AP2M1: variants seen among roughly 807,000 people sequenced by gnomAD.
AP2M1 encodes AP-2 complex subunit mu.
A neutral mutation model predicts 54.5 loss-of-function variants in AP2M1; 5 were observed. The observed-to-expected ratio is 0.09, with a 90% CI of 0.05 to 0.19. The LOEUF (loss-of-function observed/expected upper bound fraction) is 0.19, where lower values mean the gene tolerates loss of function less well. Ranked by LOEUF, AP2M1 falls within the 10% of genes least tolerant of loss-of-function variation. The pLI, the probability that AP2M1 is intolerant of heterozygous loss-of-function variation, is 1.00. For missense variants in AP2M1, 178 were observed against 580.2 expected (o/e 0.31, Z 7.12); for synonymous variants, 186 against 208.2 (o/e 0.89, Z 0.92).
intron 3 of AP2M1, chr3:184,179,920 C>G: frequency 3.8e-6 from 2 of 526,830 alleles, no homozygotes; most frequent in Non-Finnish European, 6.8e-6. Context: ...CTTGGCCTCC[C>G]GAAGTGTTGG....
intron 3 of AP2M1, 186 bp from the exon 4 acceptor site, chr3:184,179,983 A>C (rs754021200): frequency 1.6e-6 from 1 of 636,182 alleles, no homozygotes; most frequent in African/African-American, 1.8e-5. Flanking sequence ...TTTGAAAAAA[A>C]TCAAACATTT....
At position 184,181,491 on chromosome 3, in the gene AP2M1, C is replaced by T; in HGVS notation, c.708-205C>T. On this transcript the variant is annotated intron_variant, in intron 7 of 11. Transcript: ENST00000292807. The surrounding 1 kb of genome is among the most constrained non-coding windows in gnomAD (Gnocchi z 5.7). ...CCTCTGCCCAGTGTGCCTGAAACAC[C>T]CAGGTCCCTAGCAGAAGGAGCCCCA... is the stretch of plus-strand genomic sequence containing the variant. 1 of 844,126 alleles carries T rather than the reference C, an allele frequency of 1.2e-6. No homozygotes were observed. The highest frequency in any genetic ancestry group is 1.7e-5 in the African/African-American group (1 of 58,494). The allele number at this position is 844,126 out of a possible 1,614,324, so 52.3% of individuals were successfully genotyped here.
chr3:184,177,673 C>T, intron 2 of AP2M1: 1 of 1,444,944 alleles, frequency 6.9e-7, no homozygotes, highest in Admixed American at 2.0e-5. Context: ...CTCAGTAGAC[C>T]CAGAGCAGCT....
rs1577059388 is a variant in AP2M1 at position 184,180,490 on chromosome 3, G to C, written c.424-155G>C. 8.0e-7 allele frequency: 1 copy of C among 1,243,334 alleles called. No homozygotes were observed. The highest frequency in any genetic ancestry group is 2.3e-5 in the East Asian group (1 of 42,940). 77.0% of individuals were successfully genotyped at this position (1,243,334 alleles called of 1,614,324 possible). A position where few individuals can be genotyped will look rare whatever the true frequency, so the allele number is the denominator to read the frequency against. On this transcript the variant is annotated intron_variant, in intron 4 of 11. Transcript: ENST00000292807. This position sits in a 1 kb window ranked among gnomAD's most constrained non-coding sequence, Gnocchi z 4.9. ...TCAAGCAGTTTCCTTTTGCACTGAG[G>C]GGTGGGGGAGGAGGCCTGGTCTTGA...
intron 3 of AP2M1, 138 bp downstream of exon 3, chr3:184,179,260 G>T (rs1476792273): frequency 9.0e-7 from 1 of 1,106,102 alleles, no homozygotes; most frequent in Non-Finnish European, 1.3e-6. Context: ...TCTTGGGCTA[G>T]GATCTCTATG....
Position 184,180,485 on chromosome 3 carries a change from C to T in AP2M1, c.424-160C>T. 1 of 1,228,798 alleles carries T rather than the reference C, an allele frequency of 8.1e-7. No homozygotes were observed. The highest frequency in any genetic ancestry group is 1.2e-6 in the Non-Finnish European group (1 of 865,080). The allele number at this position is 1,228,798 out of a possible 1,614,324, so 76.1% of individuals were successfully genotyped here. A position where few individuals can be genotyped will look rare whatever the true frequency, so the allele number is the denominator to read the frequency against. On this transcript the variant is annotated intron_variant, in intron 4 of 11. Coordinates refer to ENST00000292807, the MANE Select transcript of AP2M1 (RefSeq NM_004068.4). The surrounding 1 kb of genome is among the most constrained non-coding windows in gnomAD (Gnocchi z 4.9). ...ACAGCTCAAGCAGTTTCCTTTTGCA[C>T]TGAGGGGTGGGGGAGGAGGCCTGGT... is the stretch of plus-strand genomic sequence containing the variant.
rs1715238209 is a variant in AP2M1, at chr3:184,180,522, G to T, written c.424-123G>T. 2 of 1,481,480 alleles carry T rather than the reference G, an allele frequency of 1.3e-6. No individual in the cohort carries two copies. Among genetic ancestry groups the T allele is most frequent in the Non-Finnish European group, 1.9e-6 (2 of 1,077,176 alleles). 91.8% of individuals were successfully genotyped at this position (1,481,480 alleles called of 1,614,324 possible). A position where few individuals can be genotyped will look rare whatever the true frequency, so the allele number is the denominator to read the frequency against. ...GGAGGAGGCCTGGTCTTGAGGCCTG[G>T]TATTCCTCAGGAGGAGCGAGCTTGG... On this transcript the variant is annotated intron_variant, in intron 4 of 11. Transcript: ENST00000292807. The surrounding 1 kb of genome is among the most constrained non-coding windows in gnomAD (Gnocchi z 4.9).
chr3:184,175,501 G>A (rs762738914), intron 1 of AP2M1, among the ~76,000 whole-genome samples: 1 of 152,084 alleles, frequency 6.6e-6, no homozygotes, highest in African/African-American at 2.4e-5. Context: ...TCATTACTCT[G>A]CACCTGAACC....
chr3:184,183,758 C>A lies in AP2M1; in HGVS notation c.*142C>A. On this transcript the variant is annotated 3_prime_UTR_variant, in exon 12 of 12. Transcript: ENST00000292807. This position sits in a 1 kb window ranked among gnomAD's most constrained non-coding sequence, Gnocchi z 5.7. ...GCACCAGCCCGAGTCTAGGTCTGGG[C>A]CAAGCACATTACAAGTGGGACCGGT... 9.8e-7 allele frequency: 1 copy of A among 1,023,120 alleles called. No individual in the cohort carries two copies. The highest frequency in any genetic ancestry group is 1.4e-6 in the Non-Finnish European group (1 of 711,666). 63.4% of individuals were successfully genotyped at this position (1,023,120 alleles called of 1,614,324 possible).
rs1416634310 is a variant in AP2M1 at position 184,181,792 on chromosome 3, A to G, written c.804A>G (p.Pro268=). 3.1e-6 allele frequency: 5 copies of G among 1,614,094 alleles called. No homozygotes were observed. The highest frequency in any genetic ancestry group is 4.2e-6 in the Non-Finnish European group (5 of 1,180,038). ...DSERSISFIP[P]DGEFELMRYR... The stretch of plus-strand genomic sequence containing the variant: ...AACGCAGCATCAGCTTTATCCCGCC[A>G]GATGGAGAGTTTGAGCTTATGAGGT... Residue 268 remains proline (P), a synonymous_variant, in exon 8 of 12, where the codon CCA becomes CCG. Transcript: ENST00000292807. The surrounding 1 kb of genome is among the most constrained non-coding windows in gnomAD (Gnocchi z 5.7).
At chr3:184,177,762 C>G in intron 2 of AP2M1, 1 of 713,976 alleles carries the variant, frequency 1.4e-6, no homozygotes, top group Non-Finnish European at 2.3e-6. Context: ...TTCTTTGCGA[C>G]TGAAGGGACC....
In AP2M1 at chr3:184,174,976, G is replaced by C. The variant is rs184753713; in HGVS notation, c.-44+17G>C. 2.5e-6 allele frequency: 1 copy of C among 398,730 alleles called. No homozygotes were observed. Among genetic ancestry groups the C allele is most frequent in the East Asian group, 3.6e-5 (1 of 28,074 alleles). The allele number at this position is 398,730 out of a possible 1,614,324, so 24.7% of individuals were successfully genotyped here. A position where few individuals can be genotyped will look rare whatever the true frequency, so the allele number is the denominator to read the frequency against. On this transcript the variant is annotated intron_variant, in intron 1 of 11. Transcript: ENST00000292807. The stretch of plus-strand genomic sequence containing the variant: ...GGACACCAGGTGAGCCGGGGATCTG[G>C]CCTTATGGCGTGGAGGAGGACGCTG...
At position 184,181,363 on chromosome 3, in the gene AP2M1, C is replaced by G; in HGVS notation, c.707+137C>G. The G allele has an allele frequency of 7.6e-7, 1 of 1,320,268 alleles. No homozygotes were observed. Among genetic ancestry groups the G allele is most frequent in the Non-Finnish European group, 1.1e-6 (1 of 950,066 alleles). The allele number at this position is 1,320,268 out of a possible 1,614,324, so 81.8% of individuals were successfully genotyped here. A position where few individuals can be genotyped will look rare whatever the true frequency, so the allele number is the denominator to read the frequency against. On this transcript the variant is annotated intron_variant, in intron 7 of 11. Coordinates refer to ENST00000292807, the MANE Select transcript of AP2M1 (RefSeq NM_004068.4). This position sits in a 1 kb window ranked among gnomAD's most constrained non-coding sequence, Gnocchi z 5.7. ...GTTCCTGACGGTAAGCCTGGCTGTT[C>G]GCTCTTGACATTAGTGCTACGAGAG... is the stretch of plus-strand genomic sequence containing the variant.
Position 184,182,163 on chromosome 3 carries a change from A to G in AP2M1, c.976A>G (p.Thr326Ala). ...LAQKIEVRIP[T>A]PLNTSGVQVI... ...GTGTCACTTCTAGGTGAGGATCCCAACCCCACTGAACACAAGCGGGGTGCA... is the reference window on the plus strand; with the variant it reads ...GTGTCACTTCTAGGTGAGGATCCCAGCCCCACTGAACACAAGCGGGGTGCA... Residue 326 changes from threonine to alanine, a missense_variant, in exon 10 of 12, where the codon ACC (threonine) becomes GCC (alanine). Physicochemically the swap from Thr to Ala is moderately conservative, Grantham distance 58. Transcript: ENST00000292807. This position sits in a 1 kb window ranked among gnomAD's most constrained non-coding sequence, Gnocchi z 5.5. 2 of 1,614,106 alleles carry G rather than the reference A, an allele frequency of 1.2e-6. No homozygotes were observed. The highest frequency in any genetic ancestry group is 1.7e-6 in the Non-Finnish European group (2 of 1,179,994).
Position 184,180,738 on chromosome 3 carries a change from A to C in AP2M1, c.429+88A>C. 1 of 1,614,086 alleles carries C rather than the reference A, an allele frequency of 6.2e-7. No homozygotes were observed. The highest frequency in any genetic ancestry group is 8.5e-7 in the Non-Finnish European group (1 of 1,179,944). ...TGGGGCTTATAGGGGAAAATGGATT[A>C]CAGGTGGGGACTAGAAGGGATGGGG... On this transcript the variant is annotated intron_variant, in intron 5 of 11. Transcript: ENST00000292807. This position sits in a 1 kb window ranked among gnomAD's most constrained non-coding sequence, Gnocchi z 4.9.
chr3:184,177,115 A>G (rs1276152592), intron 2 of AP2M1, 48 bp downstream of exon 2: 16 of 1,572,494 alleles, frequency 1.0e-5, no homozygotes, highest in African/African-American at 1.3e-5. Context: ...CCAGCCCCCC[A>G]GCCCCAGCAT....
chr3:184,179,100 G>A lies in AP2M1; in HGVS notation c.318G>A (p.Val106=). The part of the protein sequence containing the change: ...ISEENIKNNF[V]LIYELLDEIL... ...AGGAAAACATCAAGAACAATTTTGT[G>A]CTCATATATGAGCTGCTGGATGGTG... The change falls in exon 3 of 12, where the codon GTG becomes GTA. Residue 106 remains valine (V), a synonymous_variant. Transcript: ENST00000292807. The A allele has an allele frequency of 6.2e-7, 1 of 1,613,888 alleles. No homozygotes were observed. The highest frequency in any genetic ancestry group is 8.5e-7 in the Non-Finnish European group (1 of 1,179,856).
chr3:184,180,587 C>G lies in AP2M1; in HGVS notation c.424-58C>G. 6.2e-7 allele frequency: 1 copy of G among 1,612,548 alleles called. No homozygotes were observed. Among genetic ancestry groups the G allele is most frequent in the Non-Finnish European group, 8.5e-7 (1 of 1,179,928 alleles). On this transcript the variant is annotated intron_variant, in intron 4 of 11. Transcript: ENST00000292807. This position sits in a 1 kb window ranked among gnomAD's most constrained non-coding sequence, Gnocchi z 4.9. Reference sequence around the variant, plus strand: ...GATCCAAGCCTCATAGCTTTCTCCTCCTTTTCTGCCTCCCTTGCTGCTTCA... The same window carrying G: ...GATCCAAGCCTCATAGCTTTCTCCTGCTTTTCTGCCTCCCTTGCTGCTTCA...
chr3:184,179,215 G>C (rs1715188572), intron 3 of AP2M1, 93 bp downstream of exon 3: 1 of 1,474,286 alleles, frequency 6.8e-7, no homozygotes, highest in African/African-American at 1.4e-5. Flanking sequence ...CGAGGCTCTG[G>C]TACACTCTGA....
Sources: gnomAD v4.1 joint callset for allele counts (sites outside exome capture counted in the v4.1 genomes callset) on GRCh38, gnomAD v4.1.1 for gene constraint, Gnocchi (gnomAD v3.1) non-coding constraint, MANE v1.5 for transcripts, NCBI Gene and HGNC (gene_info 2026-07-23, HGNC 2026-07-21) for gene names.